AMELY: variants seen among roughly 807,000 people sequenced by gnomAD.
The protein encoded by AMELY is amelogenin Y-linked.
Under a neutral mutation model 4.2 loss-of-function variants are expected in AMELY, and 4 were observed. The observed-to-expected ratio is 0.96, with a 90% CI of 0.47 to 2.19. The LOEUF (loss-of-function observed/expected upper bound fraction) is 2.19. Ranked by LOEUF, AMELY falls within the 30% of genes most tolerant of loss-of-function variation. The pLI is 0.02. For missense variants in AMELY, 32 were observed against 41.5 expected, an observed-to-expected ratio of 0.77 and a Z score of 0.63; for synonymous variants, 11 against 14.7, an observed-to-expected ratio of 0.75 and a Z score of 0.57.
At chrY:6,903,448 A>G in intron 1 of AMELY, among the ~76,000 whole-genome samples, 1 of 33,056 alleles carries the variant, frequency 3.0e-5, no homozygotes, top group African/African-American at 1.2e-4. Context: ...TGATTCCTGG[A>G]CCCATGAATC....
At chrY:6,908,034 G>C in intron 1 of AMELY, among the ~76,000 whole-genome samples, 1 of 32,515 alleles carries the variant, frequency 3.1e-5, no homozygotes, top group South Asian at 7.1e-4. Context: ...TGGAGACGGG[G>C]TTTCACCGTA....
At chrY:6,899,416 T>C (rs2054087832) in intron 1 of AMELY, among the ~76,000 whole-genome samples, 3 of 32,853 alleles carry the variant, frequency 9.1e-5, no homozygotes. Flanking sequence ...AGCTGGGTAC[T>C]GAGTCCACCT....
intron 1 of AMELY, among the ~76,000 whole-genome samples, chrY:6,894,468 A>G: frequency 6.0e-5 from 2 of 33,525 alleles, no homozygotes; most frequent in East Asian, 1.6e-3. Context: ...TACTTCCTTA[A>G]GTACTTCAGT....
At chrY:6,883,653 C>G in intron 1 of AMELY, among the ~76,000 whole-genome samples, 1 of 33,330 alleles carries the variant, frequency 3.0e-5, no homozygotes, top group Admixed American at 2.8e-4. Context: ...ACTGATGGCT[C>G]TTTTAAAGAT....
At chrY:6,867,007 A>G (rs2054062555) in intron 6 of AMELY, among the ~76,000 whole-genome samples, 1 of 32,940 alleles carries the variant, frequency 3.0e-5, no homozygotes, top group Non-Finnish European at 7.4e-5. Flanking sequence ...CATGCTCACA[A>G]TTATTAAGCC....
intron 4 of AMELY, 195 bp downstream of exon 4, chrY:6,869,811 G>A: frequency 5.6e-6 from 1 of 179,953 alleles, no homozygotes; most frequent in East Asian, 1.1e-4. Context: ...TGGTCAGGCA[G>A]GAGGGTGCTG....
intron 1 of AMELY, among the ~76,000 whole-genome samples, chrY:6,877,830 A>G: frequency 3.0e-5 from 1 of 32,973 alleles, no homozygotes; most frequent in Non-Finnish European, 7.4e-5. Context: ...ACTTCACCAT[A>G]ACGTCAACTA....
At chrY:6,895,687 C>G (rs2054085724) in intron 1 of AMELY, among the ~76,000 whole-genome samples, 1 of 33,790 alleles carries the variant, frequency 3.0e-5, no homozygotes, top group East Asian at 7.9e-4. Flanking sequence ...AGTCAGGTAG[C>G]ATGATGCTTC....
chrY:6,878,579 GA>G (rs2054073029), intron 1 of AMELY, among the ~76,000 whole-genome samples: 1 of 33,285 alleles, frequency 3.0e-5, no homozygotes, highest in Non-Finnish European at 7.4e-5. Flanking sequence ...GCCAATACAA[GA>G]AATAAAAAAT....
intron 6 of AMELY, among the ~76,000 whole-genome samples, chrY:6,866,547 A>G: frequency 6.2e-5 from 2 of 32,395 alleles, no homozygotes; most frequent in Non-Finnish European, 7.5e-5. Context: ...AGATAAATAA[A>G]TGCATTTTCT....
intron 6 of AMELY, among the ~76,000 whole-genome samples, chrY:6,867,476 G>A (rs2054062779): frequency 3.0e-5 from 1 of 33,370 alleles, no homozygotes; most frequent in African/African-American, 1.2e-4. Flanking sequence ...TAGAATCTCA[G>A]CACTAAAAAG....
intron 1 of AMELY, among the ~76,000 whole-genome samples, chrY:6,900,239 A>G: frequency 3.0e-5 from 1 of 33,498 alleles, no homozygotes; most frequent in Non-Finnish European, 7.4e-5. Flanking sequence ...CCCTACCTCC[A>G]TTAACTAACC....
chrY:6,890,083 G>A, intron 1 of AMELY, among the ~76,000 whole-genome samples: 3 of 32,241 alleles, frequency 9.3e-5, no homozygotes, highest in Non-Finnish European at 1.5e-4. Flanking sequence ...TGGCTGGGGG[G>A]TTCCTGGGGC....
In AMELY at chrY:6,901,719, AG is replaced by A. The variant is rs748542933; in HGVS notation, c.-113+9953del. 4.2e-4 allele frequency among the ~76,000 whole-genome samples: 14 copies of A among 33,594 alleles called. No homozygotes were observed. In the East Asian group the frequency reaches 0.011, roughly 26 times the overall value. The allele number at this position is 33,594 out of a possible 37,273, so 90.1% of individuals were successfully genotyped here. ...CAAGGTCCCACAATAGGCCCTTTGC[AG>A]GCTGAGGAGCAAGGATGGCCAGTCC... On this transcript the variant is annotated intron_variant, in intron 1 of 6. Coordinates refer to ENST00000651267, the MANE Select transcript of AMELY (RefSeq NM_001143.2).
intron 1 of AMELY, among the ~76,000 whole-genome samples, chrY:6,875,955 A>AT (rs2054071647): frequency 3.0e-5 from 1 of 33,092 alleles, no homozygotes; most frequent in Non-Finnish European, 7.5e-5. Flanking sequence ...TTAACAATGT[A>AT]TTTTTTTATG....
rs2011694478 is a variant in AMELY at position 6,911,611 on chromosome Y, A to AC, written c.-113+61dup. ...CAGCGCGCAGTCAAGTCTGGGGGCAACCCCCCCCGCGCCCCCGGTCTGTTT... is the reference window on the plus strand; with the variant it reads ...CAGCGCGCAGTCAAGTCTGGGGGCAACCCCCCCCCGCGCCCCCGGTCTGTTT... On this transcript the variant is annotated intron_variant, in intron 1 of 6. Transcript: ENST00000651267. 5.6e-4 allele frequency among the ~76,000 whole-genome samples: 18 copies of AC among 31,872 alleles called. No homozygotes were observed. In the East Asian group the frequency reaches 7.7e-3, roughly 14 times the overall value. 85.5% of individuals were successfully genotyped at this position (31,872 alleles called of 37,273 possible).
At chrY:6,879,608 C>T (rs2054073890) in intron 1 of AMELY, among the ~76,000 whole-genome samples, 1 of 33,540 alleles carries the variant, frequency 3.0e-5, no homozygotes, top group African/African-American at 1.2e-4. Context: ...TTGCCCATGC[C>T]TATGTCCTGA....
At chrY:6,885,454 G>A (rs935333352) in intron 1 of AMELY, among the ~76,000 whole-genome samples, 9 of 34,003 alleles carry the variant, frequency 2.6e-4, no homozygotes, top group East Asian at 7.9e-4. Flanking sequence ...CAGCCTGGGC[G>A]ACAGAGCGAG....
intron 4 of AMELY, 87 bp from the exon 5 acceptor site, chrY:6,868,863 C>T: frequency 3.8e-6 from 1 of 260,073 alleles, no homozygotes; most frequent in Non-Finnish European, 6.4e-6. Context: ...GAAATATAGA[C>T]TCACTAAAGC....
Sources: allele counts gnomAD v4.1 joint callset (sites outside exome capture counted in the v4.1 genomes callset), GRCh38; gene constraint gnomAD v4.1.1; transcripts MANE v1.5; gene names NCBI Gene and HGNC (gene_info 2026-07-23, HGNC 2026-07-21).